Variants in SLC35G2 observed in about 807,000 individuals in gnomAD.
SLC35G2 encodes transmembrane protein 22.
SLC35G2 carries 20 observed loss-of-function variants against 27.2 expected under a neutral mutation model. The observed-to-expected ratio is 0.74, with a 90% CI of 0.52 to 1.07. The LOEUF is 1.07. Among genes scored for constraint, SLC35G2 ranks in the 50% least tolerant of loss-of-function variants. The pLI is 0.00. For missense variants in SLC35G2, 416 were observed against 493.3 expected (o/e 0.84, Z 1.48); for synonymous variants, 148 against 165.3 (o/e 0.90, Z 0.80).
rs750307553 is a variant in SLC35G2, at chr3:136,852,497, CT to C, written c.-18-1933del. 5.5e-3 allele frequency among the ~76,000 whole-genome samples: 787 copies of C among 142,244 alleles called. 2 individuals carry two copies. The highest frequency in any genetic ancestry group is 0.011 in the Middle Eastern group (3 of 272). 93.3% of individuals were successfully genotyped at this position (142,244 alleles called of 152,430 possible). A position where few individuals can be genotyped will look rare whatever the true frequency, so the allele number is the denominator to read the frequency against. On this transcript the variant is annotated intron_variant, in intron 1 of 1. Transcript: ENST00000446465. Reference sequence around the variant, plus strand: ...AAAAAAAAAGATTTTTTTTCTTTTTCTTTTTTTTTTTTTGAGATGGAGTCTT... The same window carrying C: ...AAAAAAAAAGATTTTTTTTCTTTTTCTTTTTTTTTTTTGAGATGGAGTCTT...
At chr3:136,846,167 C>T (rs868214060) in intron 1 of SLC35G2, among the ~76,000 whole-genome samples, 4 of 152,152 alleles carry the variant, frequency 2.6e-5, no homozygotes, top group Non-Finnish European at 4.4e-5. Flanking sequence ...CTTCTCTGGA[C>T]TAGCCTGCTA....
Position 136,819,130 on chromosome 3 carries a change from CG to C in SLC35G2, c.-514del, listed in dbSNP as rs1178720460. The C allele has an allele frequency of 5.3e-5, 8 of 152,094 alleles. No homozygotes were observed. Among genetic ancestry groups the C allele is most frequent in the East Asian group, 1.9e-4 (1 of 5,174 alleles). 9.4% of individuals were successfully genotyped at this position (152,094 alleles called of 1,614,324 possible). ...GCGCCCCTCTCCCTCCGCAGTACTCCGGGCAGCGCCCGCCTCGATTTTCCCA... is the reference window on the plus strand; with the variant it reads ...GCGCCCCTCTCCCTCCGCAGTACTCCGGCAGCGCCCGCCTCGATTTTCCCA... On this transcript the variant is annotated 5_prime_UTR_variant, in exon 1 of 2. Transcript: ENST00000446465.
intron 1 of SLC35G2, among the ~76,000 whole-genome samples, chr3:136,850,465 C>A (rs1490504057): frequency 2.0e-5 from 3 of 151,988 alleles, no homozygotes; most frequent in African/African-American, 7.3e-5. Flanking sequence ...AGGCATGTGG[C>A]AATTCCTTTC....
intron 1 of SLC35G2, among the ~76,000 whole-genome samples, chr3:136,824,522 G>A (rs778695546): frequency 6.6e-5 from 10 of 152,040 alleles, no homozygotes; most frequent in African/African-American, 9.7e-5. Context: ...CTTTCAGATC[G>A]TTCACTGTTG....
chr3:136,855,401 A>G lies in SLC35G2; in HGVS notation c.941A>G (p.Asp314Gly), dbSNP rs532549213. Reference protein sequence around the residue: ...FILQEPIIPLDGETWSYLIAI... With the variant: ...FILQEPIIPLGGETWSYLIAI... ...CTTCAAGAACCCATCATCCCATTAGATGGAGAAACCTGGAGTTATCTCATT... is the reference window on the plus strand; with the variant it reads ...CTTCAAGAACCCATCATCCCATTAGGTGGAGAAACCTGGAGTTATCTCATT... Residue 314 changes from aspartate (D) to glycine (G), a missense_variant, in exon 2 of 2, where the codon GAT (aspartate) becomes GGT (glycine). Asp to Gly is a moderately conservative substitution (Grantham distance 94). Transcript: ENST00000446465. 1 of 1,614,190 alleles carries G rather than the reference A, an allele frequency of 6.2e-7. No homozygotes were observed. Among genetic ancestry groups the G allele is most frequent in the Admixed American group, 1.7e-5 (1 of 60,030 alleles).
rs1212446658 is a variant in SLC35G2, at chr3:136,819,180, C to A, written c.-467C>A. ...CAGGCGAGGGCACGCCCGCGTCAGT[C>A]GCCTCCGGGGCACCTTCCTCGCCAC... On this transcript the variant is annotated 5_prime_UTR_variant, in exon 1 of 2. Transcript: ENST00000446465. The A allele has an allele frequency of 6.6e-6, 1 of 152,252 alleles. No homozygotes were observed. Among genetic ancestry groups the A allele is most frequent in the African/African-American group, 2.4e-5 (1 of 41,462 alleles). 9.4% of individuals were successfully genotyped at this position (152,252 alleles called of 1,614,324 possible). A position where few individuals can be genotyped will look rare whatever the true frequency, so the allele number is the denominator to read the frequency against.
chr3:136,852,618 G>A (rs551830881), intron 1 of SLC35G2, among the ~76,000 whole-genome samples: 89 of 151,246 alleles, frequency 5.9e-4, no homozygotes, highest in African/African-American at 2.1e-3. Flanking sequence ...TCAGCCTCCT[G>A]AGTAGCTGGG....
At chr3:136,819,838 G>C (rs988801648) in intron 1 of SLC35G2, 3 of 152,272 alleles carry the variant, frequency 2.0e-5, no homozygotes, top group African/African-American at 7.2e-5. Flanking sequence ...ACGAGGGCAA[G>C]GGTTAGTGGA....
At position 136,830,573 on chromosome 3, in the gene SLC35G2, G is replaced by A. The variant is rs548096421; in HGVS notation, c.-19+10945G>A. ...GCTGGGATTACAGGCATGAGCCACC[G>A]CGCCTGGCCTACTTTTTGTATTTTT... On this transcript the variant is annotated intron_variant, in intron 1 of 1. Transcript: ENST00000446465. Among the ~76,000 whole-genome samples, 13 of 152,156 alleles carry A rather than the reference G, an allele frequency of 8.5e-5. No homozygotes were observed. In the South Asian group the frequency reaches 2.1e-3, roughly 24 times the overall value.
rs149600994 is a variant in SLC35G2, at chr3:136,840,834, G to T, written c.-18-13609G>T. On this transcript the variant is annotated intron_variant, in intron 1 of 1. Transcript: ENST00000446465. ...AATGGGGTTTCACCATGTTGGTCAGGCTGGTCTCGAACTCCTGACCTCAGG... is the reference window on the plus strand; with the variant it reads ...AATGGGGTTTCACCATGTTGGTCAGTCTGGTCTCGAACTCCTGACCTCAGG... Among the ~76,000 whole-genome samples the T allele has an allele frequency of 7.4e-3, 1,121 of 151,716 alleles. 18 individuals carry two copies. The highest frequency in any genetic ancestry group is 0.026 in the African/African-American group (1,067 of 41,336).
chr3:136,852,572 A>AT (rs1215065833), intron 1 of SLC35G2, among the ~76,000 whole-genome samples: 1 of 150,494 alleles, frequency 6.6e-6, no homozygotes, highest in Non-Finnish European at 1.5e-5. Flanking sequence ...GGCTCACTGC[A>AT]ACCTCCGTCT....
intron 1 of SLC35G2, among the ~76,000 whole-genome samples, chr3:136,822,846 A>G (rs888691522): frequency 1.3e-5 from 2 of 152,192 alleles, no homozygotes; most frequent in Admixed American, 1.3e-4. Context: ...GATCTTGGCT[A>G]TTGTGAACAG....
At chr3:136,825,913 A>G (rs1412642015) in intron 1 of SLC35G2, among the ~76,000 whole-genome samples, 1 of 152,180 alleles carries the variant, frequency 6.6e-6, no homozygotes, top group Non-Finnish European at 1.5e-5. Context: ...TACTGGCCTC[A>G]TAGAGTGAGT....
At position 136,854,842 on chromosome 3, in the gene SLC35G2, C is replaced by G. The variant is rs570589760; in HGVS notation, c.382C>G (p.Arg128Gly). ...TCTTATCACTAGGCTTGTTTCTGAT[C>G]GGTCTAAAGTTCCATCTCTAGAACT... ...VALITRLVSD[R>G]SKVPSLELIF... The change falls in exon 2 of 2, where the codon CGG (arginine) becomes GGG (glycine). Residue 128 changes from arginine to glycine, a missense_variant. Arg to Gly is a moderately radical substitution (Grantham distance 125). Transcript: ENST00000446465. The G allele has an allele frequency of 2.5e-6, 4 of 1,614,066 alleles. No homozygotes were observed. The highest frequency in any genetic ancestry group is 1.6e-4 in the Middle Eastern group (1 of 6,084).
rs1937032692 is a variant in SLC35G2 at position 136,840,363 on chromosome 3, C to T, written c.-18-14080C>T. ...CACTTTTGTGCTTCCGTTAGTACTGCAGGGAGTCATCCTCAAAGAGCATTA... is the reference window on the plus strand; with the variant it reads ...CACTTTTGTGCTTCCGTTAGTACTGTAGGGAGTCATCCTCAAAGAGCATTA... On this transcript the variant is annotated intron_variant, in intron 1 of 1. Transcript: ENST00000446465. 3.9e-5 allele frequency among the ~76,000 whole-genome samples: 6 copies of T among 152,264 alleles called. No individual in the cohort carries two copies. In the South Asian group the frequency reaches 1.0e-3, roughly 26 times the overall value.
intron 1 of SLC35G2, chr3:136,838,283 A>ATATATATATATATATATATATAT (rs1560013693): frequency 2.7e-5 from 3 of 110,556 alleles, no homozygotes; most frequent in African/African-American, 9.7e-5. Context: ...ATATATATAT[A>ATATATATATATATATATATATAT]AATGCACACA....
rs761467100 is a variant in SLC35G2, at chr3:136,854,677, G to C, written c.217G>C (p.Asp73His). 6.2e-7 allele frequency: 1 copy of C among 1,614,128 alleles called. No homozygotes were observed. The highest frequency in any genetic ancestry group is 1.1e-5 in the South Asian group (1 of 91,072). The change falls in exon 2 of 2, where the codon GAT becomes CAT. Residue 73 changes from aspartate (D) to histidine (H), a missense_variant. By Grantham distance (81) the Asp-to-His change is moderately conservative. Transcript: ENST00000446465. ...KKGRAFFGTM[D>H]TLPPPTEDPM... ...AGGGAGAGCTTTCTTTGGAACCATG[G>C]ATACCCTACCTCCACCAACAGAAGA... is the stretch of plus-strand genomic sequence containing the variant.
chr3:136,854,611 G>A lies in SLC35G2; in HGVS notation c.151G>A (p.Glu51Lys), dbSNP rs748228452. ...INEGYGNFME[E>K]NPKKGLLSEM... ...TGAAGGCTATGGAAATTTTATGGAGGAAAATCCAAAGAAAGGTCTGCTGAG... is the reference window on the plus strand; with the variant it reads ...TGAAGGCTATGGAAATTTTATGGAGAAAAATCCAAAGAAAGGTCTGCTGAG... Residue 51 changes from glutamate (E) to lysine (K), a missense_variant, in exon 2 of 2, where the codon GAA becomes AAA. Transcript: ENST00000446465. The A allele has an allele frequency of 1.9e-6, 3 of 1,612,516 alleles. No individual in the cohort carries two copies. In the East Asian group the frequency reaches 6.7e-5, roughly 36 times the overall value.
intron 1 of SLC35G2, among the ~76,000 whole-genome samples, chr3:136,850,513 A>T (rs930925091): frequency 2.6e-5 from 4 of 152,188 alleles, no homozygotes; most frequent in African/African-American, 4.8e-5. Context: ...ATAATATTTT[A>T]AAAAATGTAT....
Sources: allele counts gnomAD v4.1 joint callset (sites outside exome capture counted in the v4.1 genomes callset), GRCh38; gene constraint gnomAD v4.1.1; transcripts MANE v1.5; gene names NCBI Gene and HGNC (gene_info 2026-07-23, HGNC 2026-07-21).